IQCJ: variants seen among roughly 807,000 people sequenced by gnomAD.
IQCJ encodes the protein IQ motif containing J.
In IQCJ, 9 loss-of-function variants were observed where a neutral mutation model predicts 11.0. That is an observed-to-expected ratio of 0.82 (90% CI 0.49 to 1.43). IQCJ has a LOEUF of 1.43. IQCJ is among the 40% of genes most tolerant of loss of function. The probability of loss-of-function intolerance (pLI) is 0.00; values close to 1 mark genes in which losing one functional copy is unlikely to be tolerated. For synonymous variants in IQCJ, 55 were observed against 51.3 expected (o/e 1.07, Z -0.31); for missense variants, 146 against 133.2 (o/e 1.10, Z -0.47).
rs1196698654 is a variant in IQCJ at position 159,252,744 on chromosome 3, A to G, written c.92A>G (p.Asp31Gly). ...GTTTCTAGTCACCAGCTGGCCATGG[A>G]TGCAGAGAATAATATTGAAAAGTAT... The part of the protein sequence containing the change: ...YSFENHQLAM[D>G]AENNIEKYPL... Residue 31 changes from aspartate to glycine, a missense_variant, in exon 3 of 4, where the codon GAT becomes GGT. Physicochemically the swap from Asp to Gly is moderately conservative, Grantham distance 94. Coordinates refer to ENST00000397832, the MANE Select transcript of IQCJ (RefSeq NM_001042706.3). The G allele has an allele frequency of 1.2e-6, 2 of 1,612,088 alleles. No homozygotes were observed. The highest frequency in any genetic ancestry group is 2.7e-5 in the African/African-American group (2 of 74,892).
intron 1 of IQCJ, among the ~76,000 whole-genome samples, chr3:159,236,747 A>C (rs1013289886): frequency 6.6e-6 from 1 of 152,216 alleles, no homozygotes; most frequent in African/African-American, 2.4e-5. Context: ...TTTCATGTTT[A>C]ATGATGCAGA....
intron 1 of IQCJ, among the ~76,000 whole-genome samples, chr3:159,151,971 G>T (rs890996143): frequency 2.6e-5 from 4 of 152,160 alleles, no homozygotes; most frequent in African/African-American, 9.7e-5. Flanking sequence ...CTAAATATCA[G>T]ATTCAATTCT....
chr3:159,220,107 T>C (rs1420773559), intron 1 of IQCJ, among the ~76,000 whole-genome samples: 2 of 152,190 alleles, frequency 1.3e-5, no homozygotes, highest in Non-Finnish European at 2.9e-5. Context: ...TAAGAGTCTT[T>C]GATAATCCAT....
chr3:159,229,410 A>C (rs570935118), intron 1 of IQCJ, among the ~76,000 whole-genome samples: 51 of 152,204 alleles, frequency 3.4e-4, no homozygotes, highest in African/African-American at 1.2e-3. Flanking sequence ...GTTTTTGCAT[A>C]GAAATAGTCT....
chr3:159,239,696 G>A (rs1271603435), intron 1 of IQCJ, among the ~76,000 whole-genome samples: 1 of 152,158 alleles, frequency 6.6e-6, no homozygotes, highest in Non-Finnish European at 1.5e-5. Context: ...GCATAATGCC[G>A]TTTGGCCAAT....
At chr3:159,119,250 G>T (rs1258702025) in intron 1 of IQCJ, among the ~76,000 whole-genome samples, 1 of 152,172 alleles carries the variant, frequency 6.6e-6, no homozygotes, top group Non-Finnish European at 1.5e-5. Context: ...AGCCTAGGAG[G>T]CTGCTCAAAG....
chr3:159,151,469 C>T (rs1458450704), intron 1 of IQCJ, among the ~76,000 whole-genome samples: 1 of 152,218 alleles, frequency 6.6e-6, no homozygotes, highest in Non-Finnish European at 1.5e-5. Context: ...TCTTTCCAAC[C>T]TTCCACCTGC....
intron 1 of IQCJ, among the ~76,000 whole-genome samples, chr3:159,196,442 A>C (rs559239157): frequency 2.6e-5 from 4 of 152,248 alleles, no homozygotes; most frequent in African/African-American, 9.6e-5. Context: ...AACTCCCAAC[A>C]CTCAGGCCAC....
intron 1 of IQCJ, among the ~76,000 whole-genome samples, chr3:159,162,924 A>G (rs1398388804): frequency 1.3e-5 from 2 of 152,242 alleles, no homozygotes; most frequent in Non-Finnish European, 2.9e-5. Flanking sequence ...AATTGTGGCA[A>G]TAATCAGTAG....
intron 1 of IQCJ, among the ~76,000 whole-genome samples, chr3:159,226,059 C>G (rs998309757): frequency 1.3e-5 from 2 of 152,170 alleles, no homozygotes; most frequent in Admixed American, 1.3e-4. Flanking sequence ...CTACCATGTC[C>G]TATCCAGGCA....
intron 1 of IQCJ, among the ~76,000 whole-genome samples, chr3:159,102,750 C>T (rs1718012579): frequency 6.6e-6 from 1 of 152,110 alleles, no homozygotes; most frequent in South Asian, 2.1e-4. Flanking sequence ...GTAGCTAGTG[C>T]CCAAACTTTT....
chr3:159,106,533 GC>G (rs904571096), intron 1 of IQCJ, among the ~76,000 whole-genome samples: 2 of 152,190 alleles, frequency 1.3e-5, no homozygotes, highest in African/African-American at 4.8e-5. Flanking sequence ...GGTGGGGGAA[GC>G]GGGGAGAGAG....
At chr3:159,242,991 CA>C in intron 1 of IQCJ, among the ~76,000 whole-genome samples, 1 of 151,952 alleles carries the variant, frequency 6.6e-6, no homozygotes, top group Non-Finnish European at 1.5e-5. Flanking sequence ...AAAACAAATG[CA>C]AAAAATACTC....
At chr3:159,129,746 T>C (rs180748106) in intron 1 of IQCJ, among the ~76,000 whole-genome samples, 1 of 152,332 alleles carries the variant, frequency 6.6e-6, no homozygotes, top group Admixed American at 6.5e-5. Flanking sequence ...TTATCCCTGA[T>C]GTAGATTCAT....
chr3:159,179,479 C>A (rs954505560), intron 1 of IQCJ, among the ~76,000 whole-genome samples: 2 of 152,116 alleles, frequency 1.3e-5, no homozygotes, highest in African/African-American at 4.8e-5. Context: ...ATCTTACCAA[C>A]ATAAGTAGTA....
intron 1 of IQCJ, among the ~76,000 whole-genome samples, chr3:159,081,735 T>C (rs1320606033): frequency 2.6e-5 from 4 of 152,054 alleles, no homozygotes; most frequent in Admixed American, 2.6e-4. Context: ...TTTCCAAGAA[T>C]GTGGGGAAAG....
At chr3:159,107,165 T>A (rs1718317711) in intron 1 of IQCJ, among the ~76,000 whole-genome samples, 1 of 152,144 alleles carries the variant, frequency 6.6e-6, no homozygotes, top group Admixed American at 6.5e-5. Context: ...CCAAACTTCA[T>A]AAGTTAAAAA....
intron 1 of IQCJ, among the ~76,000 whole-genome samples, chr3:159,209,876 T>G (rs1411771575): frequency 6.6e-6 from 1 of 152,222 alleles, no homozygotes; most frequent in Non-Finnish European, 1.5e-5. Flanking sequence ...GACATCACTC[T>G]GAGATTCAGA....
At chr3:159,146,630 C>T (rs1039640285) in intron 1 of IQCJ, among the ~76,000 whole-genome samples, 3 of 152,156 alleles carry the variant, frequency 2.0e-5, no homozygotes, top group African/African-American at 7.2e-5. Flanking sequence ...TTCCAGGAAC[C>T]TTAGATTTCC....
Sources: gnomAD v4.1 joint callset for allele counts (sites outside exome capture counted in the v4.1 genomes callset) on GRCh38, gnomAD v4.1.1 for gene constraint, MANE v1.5 for transcripts, NCBI Gene and HGNC (gene_info 2026-07-23, HGNC 2026-07-21) for gene names.